The following FSD1 variants were observed in gnomAD, a reference collection of about 807,000 sequenced individuals.
FSD1 encodes fibronectin type III and SPRY domain-containing protein 1.
A neutral mutation model predicts 58.2 loss-of-function variants in FSD1; 23 were observed. The ratio of observed to expected loss-of-function variants is 0.40; its 90% CI spans 0.28 to 0.56. FSD1 has a LOEUF of 0.56. Ranked by LOEUF, FSD1 falls within the 20% of genes least tolerant of loss-of-function variation. The pLI, the probability that FSD1 is intolerant of heterozygous loss-of-function variation, is 0.54. For missense variants in FSD1, 563 were observed against 670.8 expected, an observed-to-expected ratio of 0.84 and a Z score of 1.78; for synonymous variants, 265 against 263.4, an observed-to-expected ratio of 1.01 and a Z score of -0.06.
Position 4,313,703 on chromosome 19 carries a change from C to T in FSD1, c.700+1652C>T, listed in dbSNP as rs547822074. On this transcript the variant is annotated intron_variant, in intron 7 of 12. Transcript: ENST00000221856. ...ACTGAGCTCCAGCCTGGTTACAGAG[C>T]GAGACTCCGTCTCAAAAAAAAAAAA... Among the ~76,000 whole-genome samples, 9 of 145,886 alleles carry T rather than the reference C, an allele frequency of 6.2e-5. No individual in the cohort carries two copies. The East Asian group carries it at 1.4e-3, about 23-fold the overall frequency.
chr19:4,305,662 C>A (rs189305647), intron 1 of FSD1, among the ~76,000 whole-genome samples: 14 of 152,308 alleles, frequency 9.2e-5, no homozygotes, highest in Admixed American at 2.6e-4. Flanking sequence ...CAGCCCGGAG[C>A]TTTACCTCCT....
In FSD1 at chr19:4,318,404, C is replaced by T. The variant is rs199515407; in HGVS notation, c.858C>T (p.Leu286=). Residue 286 remains leucine, a synonymous_variant, in exon 9 of 13, where the codon CTC becomes CTT. Transcript: ENST00000221856. ...ACCAGAACCTGCGGGTGGATGATCT[C>T]TCCGTGGAGTGGGACGCTATGGGCG... ...TSHQNLRVDD[L]SVEWDAMGGK... 346 of 1,613,926 alleles carry T rather than the reference C, an allele frequency of 2.1e-4. 2 individuals are homozygous for T. The highest frequency in any genetic ancestry group is 5.9e-6 in the Non-Finnish European group (7 of 1,180,004).
chr19:4,319,805 G>A (rs1250885605), intron 10 of FSD1, among the ~76,000 whole-genome samples: 3 of 152,108 alleles, frequency 2.0e-5, no homozygotes, highest in Non-Finnish European at 4.4e-5. Flanking sequence ...TGAGATCAGG[G>A]AGGAGCAGAC....
intron 1 of FSD1, 77 bp downstream of exon 1, chr19:4,304,838 C>T: frequency 4.1e-6 from 2 of 483,374 alleles, no homozygotes; most frequent in African/African-American, 2.0e-5. Flanking sequence ...CCGCAGCGCC[C>T]CCACTCCCTC....
At chr19:4,309,547 C>A (rs1971664444) in intron 4 of FSD1, among the ~76,000 whole-genome samples, 1 of 152,170 alleles carries the variant, frequency 6.6e-6, no homozygotes. Context: ...TGCAGGGACA[C>A]TTTGGCAAAT....
chr19:4,317,958 A>G (rs1971772660), intron 8 of FSD1, among the ~76,000 whole-genome samples: 1 of 152,190 alleles, frequency 6.6e-6, no homozygotes, highest in Non-Finnish European at 1.5e-5. Flanking sequence ...CGGAGGTTGC[A>G]ATGAGCCGAG....
At chr19:4,319,685 G>A (rs1971793494) in intron 10 of FSD1, among the ~76,000 whole-genome samples, 1 of 152,070 alleles carries the variant, frequency 6.6e-6, no homozygotes, top group African/African-American at 2.4e-5. Context: ...GAGAGTTTTA[G>A]GGAGAAGCAG....
At chr19:4,312,132 G>A (rs1971700363) in intron 7 of FSD1, 81 bp downstream of exon 7, 1 of 1,262,140 alleles carries the variant, frequency 7.9e-7, no homozygotes, top group Non-Finnish European at 1.1e-6. Flanking sequence ...AGTCACTGGG[G>A]GCCTTGGGGA....
rs939455270 is a variant in FSD1, at chr19:4,308,050, A to G, written c.345+67A>G. 5 of 1,281,074 alleles carry G rather than the reference A, an allele frequency of 3.9e-6. No homozygotes were observed. The African/African-American group carries it at 7.3e-5, about 19-fold the overall frequency. 79.4% of individuals were successfully genotyped at this position (1,281,074 alleles called of 1,614,324 possible). A position where few individuals can be genotyped will look rare whatever the true frequency, so the allele number is the denominator to read the frequency against. ...AGTCACGTTTGCATTTCAGGTGAAC[A>G]AGCACATTTTTAGTGTAAGTATAGC... On this transcript the variant is annotated intron_variant, in intron 4 of 12. Transcript: ENST00000221856.
chr19:4,323,538 G>A lies in FSD1; in HGVS notation c.1386G>A (p.Trp462Ter). ...CTCCCCCCGCTGTCCCTCAGGTATG[G>A]TGTGGCAGCTTCCAGGTGACGACAG... is the stretch of plus-strand genomic sequence containing the variant. ...TQPLLPAFTV[W>*]CGSFQVTTGL... Residue 462 changes from tryptophan (W) to a stop codon, truncating the protein, a stop_gained, in exon 13 of 13, where the codon TGG (tryptophan) becomes TGA (stop). Transcript: ENST00000221856. LOFTEE classifies it high-confidence loss of function. This position sits in a 1 kb window ranked among gnomAD's most constrained non-coding sequence, Gnocchi z 7.7. The A allele has an allele frequency of 6.2e-7, 1 of 1,611,384 alleles. No individual in the cohort carries two copies. The highest frequency in any genetic ancestry group is 2.2e-5 in the East Asian group (1 of 44,810).
rs749643079 is a variant in FSD1 at position 4,323,337 on chromosome 19, C to T, written c.1292-11C>T. ...GACCGGTCCCACTGTCACTCTGCCC[C>T]CCGACCCCAGGCCTCCTGTCCTTCT... On this transcript the variant is annotated splice_polypyrimidine_tract_variant and intron_variant, in intron 11 of 12. Transcript: ENST00000221856. This position sits in a 1 kb window ranked among gnomAD's most constrained non-coding sequence, Gnocchi z 7.7. 7.4e-6 allele frequency: 12 copies of T among 1,613,058 alleles called. No individual in the cohort carries two copies. In the East Asian group the frequency reaches 1.3e-4, roughly 18 times the overall value.
chr19:4,312,448 G>T (rs771409510), intron 7 of FSD1, among the ~76,000 whole-genome samples: 2 of 151,786 alleles, frequency 1.3e-5, no homozygotes, highest in Non-Finnish European at 2.9e-5. Flanking sequence ...CCGAGATCGC[G>T]CTATTGCACT....
At chr19:4,309,713 G>T (rs1234612013) in intron 4 of FSD1, among the ~76,000 whole-genome samples, 1 of 151,450 alleles carries the variant, frequency 6.6e-6, no homozygotes, top group Admixed American at 6.6e-5. Context: ...ATCAAGACAA[G>T]CCTGGCTAAT....
At chr19:4,308,870 T>C (rs1164960460) in intron 4 of FSD1, among the ~76,000 whole-genome samples, 1 of 132,958 alleles carries the variant, frequency 7.5e-6, no homozygotes, top group Admixed American at 8.0e-5. Context: ...AAAAAAGAGA[T>C]TGAGACCATC....
At chr19:4,305,903 T>A in intron 1 of FSD1, 43 bp from the exon 2 acceptor site, 3 of 1,376,624 alleles carry the variant, frequency 2.2e-6, no homozygotes, top group East Asian at 2.3e-5. Flanking sequence ...TGTGCGCACA[T>A]GTGTGTGTGC....
chr19:4,317,343 G>A, intron 8 of FSD1, 63 bp downstream of exon 8: 1 of 995,122 alleles, frequency 1.0e-6, no homozygotes, highest in Non-Finnish European at 1.6e-6. Flanking sequence ...ACAGCCCCCA[G>A]AGACCATGAG....
At chr19:4,305,163 G>C (rs957656590) in intron 1 of FSD1, among the ~76,000 whole-genome samples, 1 of 148,048 alleles carries the variant, frequency 6.8e-6, no homozygotes, top group Admixed American at 6.7e-5. Flanking sequence ...TGGAGCCTGG[G>C]TCAGAGCAAG....
chr19:4,321,288 ATAGCTGGG>A, intron 10 of FSD1, among the ~76,000 whole-genome samples: 2 of 142,518 alleles, frequency 1.4e-5, no homozygotes, highest in African/African-American at 2.7e-5. Flanking sequence ...CTGGAGGGGA[ATAGCTGGG>A]ACTGAGGAGT....
In FSD1 at chr19:4,318,920, C is replaced by T; in HGVS notation, c.1008C>T (p.Asp336=). The change falls in exon 10 of 13, where the codon GAC becomes GAT. Residue 336 remains aspartate, a synonymous_variant. Transcript: ENST00000221856. ...KRMPSGRGGR[D]RFTAESYTVL... ...TGCCCTCAGGTCGTGGGGGACGGGA[C>T]CGCTTCACCGCTGAGTCCTACACAG... The T allele has an allele frequency of 6.2e-7, 1 of 1,613,460 alleles. No homozygotes were observed. The highest frequency in any genetic ancestry group is 1.3e-5 in the African/African-American group (1 of 74,944).
Sources: gnomAD v4.1 joint callset for allele counts (sites outside exome capture counted in the v4.1 genomes callset) on GRCh38, gnomAD v4.1.1 for gene constraint, Gnocchi (gnomAD v3.1) non-coding constraint, MANE v1.5 for transcripts, NCBI Gene and HGNC (gene_info 2026-07-23, HGNC 2026-07-21) for gene names.